Variants in NAXE observed in about 807,000 individuals in gnomAD.
NAXE encodes NAD(P)HX epimerase.
Under a neutral mutation model 31.2 loss-of-function variants are expected in NAXE, and 25 were observed. The observed-to-expected ratio is 0.80, with a 90% CI of 0.58 to 1.12. The LOEUF is 1.12. Among genes scored for constraint, NAXE ranks in the 50% most tolerant of loss-of-function variants. NAXE has a pLI of 0.00. For synonymous variants in NAXE, 144 were observed against 154.5 expected (o/e 0.93, Z 0.50); for missense variants, 362 against 376.1 (o/e 0.96, Z 0.31).
chr1:156,594,064 T>C lies in NAXE; in HGVS notation c.847T>C (p.Cys283Arg), dbSNP rs1021877463. 2 of 1,613,940 alleles carry C rather than the reference T, an allele frequency of 1.2e-6. No homozygotes were observed. Among genetic ancestry groups the C allele is most frequent in the Middle Eastern group, 1.7e-4 (1 of 6,058 alleles). Reference protein sequence around the residue: ...LNLPPYPDTECVYRLQ With the variant: ...LNLPPYPDTERVYRLQ ...CCTGCCACCCTACCCTGACACCGAGTGTGTCTATCGTCTGCAGTGAGGGAA... is the reference window on the plus strand; with the variant it reads ...CCTGCCACCCTACCCTGACACCGAGCGTGTCTATCGTCTGCAGTGAGGGAA... Residue 283 changes from cysteine (C) to arginine (R), a missense_variant, in exon 6 of 6, where the codon TGT becomes CGT. Physicochemically the swap from Cys to Arg is radical, Grantham distance 180. Transcript: ENST00000368235.
chr1:156,592,076 G>T (rs1557962243), intron 1 of NAXE, 25 bp from the exon 2 acceptor site: 2 of 1,614,130 alleles, frequency 1.2e-6, no homozygotes, highest in African/African-American at 2.7e-5. Context: ...CGAGGGGCGG[G>T]ACTCAGGCCG....
At chr1:156,592,013 T>C in intron 1 of NAXE, 27 bp downstream of exon 1, 1 of 1,613,400 alleles carries the variant, frequency 6.2e-7, no homozygotes, top group Non-Finnish European at 8.5e-7. Context: ...GGTGGCCTGC[T>C]CTGCCCCGGG....
chr1:156,593,634 A>T (rs1160353386), intron 5 of NAXE, 79 bp downstream of exon 5: 1 of 1,580,772 alleles, frequency 6.3e-7, no homozygotes, highest in African/African-American at 1.3e-5. Context: ...GTCTAAAATA[A>T]TTTTAGTCTA....
chr1:156,592,573 T>C lies in NAXE; in HGVS notation c.419T>C (p.Ile140Thr), dbSNP rs372470964. 1.9e-5 allele frequency: 31 copies of C among 1,614,016 alleles called. No homozygotes were observed. The African/African-American group carries it at 2.7e-4, about 14-fold the overall frequency. The change falls in exon 4 of 6, where the codon ATC becomes ACC. Residue 140 changes from isoleucine (I) to threonine (T), a missense_variant. Transcript: ENST00000368235. The stretch of plus-strand genomic sequence containing the variant: ...TCTTCCTAGGGCTACGAGCCAACCA[T>C]CTATTACCCCAAAAGGCCTAACAAG... ...HLKLFGYEPT[I>T]YYPKRPNKPL...
chr1:156,593,766 G>T (rs537344392), intron 5 of NAXE, 116 bp from the exon 6 acceptor site: 43 of 1,356,092 alleles, frequency 3.2e-5, no homozygotes, highest in Non-Finnish European at 3.9e-5. Context: ...CTCGTTGGAC[G>T]AGAGTTCCTC....
intron 5 of NAXE, 96 bp downstream of exon 5, chr1:156,593,651 C>A: frequency 6.6e-7 from 1 of 1,520,540 alleles, no homozygotes; most frequent in Non-Finnish European, 9.0e-7. Context: ...TCTAGAGGGG[C>A]AGAACACAGC....
At chr1:156,592,697 A>G (rs755504246) in intron 4 of NAXE, 27 bp downstream of exon 4, 3 of 1,557,412 alleles carry the variant, frequency 1.9e-6, no homozygotes, top group Non-Finnish European at 2.7e-6. Flanking sequence ...GAATACCTCC[A>G]TCCTACAGTA....
In NAXE at chr1:156,591,941, G is replaced by T. The variant is rs1344948413; in HGVS notation, c.137G>T (p.Arg46Leu). 1 of 1,612,854 alleles carries T rather than the reference G, an allele frequency of 6.2e-7. No individual in the cohort carries two copies. The change falls in exon 1 of 6, where the codon CGC (arginine) becomes CTC (leucine). Residue 46 changes from arginine to leucine, a missense_variant. Transcript: ENST00000368235. ...CCGCAGCGGCTGAACTCGGGTGGCC[G>T]CTGGGACTCAGAGGTCATGGCGAGC... ...WGPQRLNSGG[R>L]WDSEVMASTV...
chr1:156,592,711 A>G (rs550539316), intron 4 of NAXE, 41 bp downstream of exon 4: 1 of 1,526,752 alleles, frequency 6.5e-7, no homozygotes, highest in South Asian at 1.1e-5. Context: ...TACAGTAACC[A>G]CTGCCTGTGC....
intron 2 of NAXE, 37 bp from the exon 3 acceptor site, chr1:156,592,328 T>C (rs1255496184): frequency 1.2e-6 from 2 of 1,610,138 alleles, no homozygotes; most frequent in East Asian, 4.5e-5. Context: ...TATTACCGCC[T>C]GAAACCCCGC....
At chr1:156,593,301 A>G in intron 4 of NAXE, 107 bp from the exon 5 acceptor site, 2 of 1,427,172 alleles carry the variant, frequency 1.4e-6, no homozygotes, top group Non-Finnish European at 1.9e-6. Flanking sequence ...ATGAGACACA[A>G]TACTTGTGCC....
intron 5 of NAXE, 89 bp from the exon 6 acceptor site, chr1:156,593,793 G>C (rs897949171): frequency 6.9e-7 from 1 of 1,454,410 alleles, no homozygotes; most frequent in Non-Finnish European, 9.5e-7. Context: ...GAACTGAGGG[G>C]ACTTCCCACT....
Position 156,592,101 on chromosome 1 carries a change from C to A in NAXE, c.183C>A (p.Ser61Arg), listed in dbSNP as rs1288854268. 6.2e-7 allele frequency: 1 copy of A among 1,614,108 alleles called. No individual in the cohort carries two copies. The highest frequency in any genetic ancestry group is 8.5e-7 in the Non-Finnish European group (1 of 1,180,040). Residue 61 changes from serine (S) to arginine (R), a missense_variant and splice_region_variant, in exon 2 of 6, where the codon AGC (serine) becomes AGA (arginine). Physicochemically the swap from Ser to Arg is moderately radical, Grantham distance 110 (BLOSUM62 -1). Coordinates refer to ENST00000368235, the MANE Select transcript of NAXE (RefSeq NM_144772.3). Reference protein sequence around the residue: ...VMASTVVKYLSQEEAQAVDQE... With the variant: ...VMASTVVKYLRQEEAQAVDQE... ...GACTCAGGCCGCGGGTTTTCCTCAG[C>A]CAGGAGGAGGCCCAGGCCGTGGACC...
rs568066871 is a variant in NAXE, at chr1:156,593,787, T to C, written c.665-95T>C. 2.1e-5 allele frequency: 31 copies of C among 1,444,370 alleles called. No homozygotes were observed. The East Asian group carries it at 6.8e-4, about 32-fold the overall frequency. The allele number at this position is 1,444,370 out of a possible 1,614,324, so 89.5% of individuals were successfully genotyped here. On this transcript the variant is annotated intron_variant, in intron 5 of 5. Transcript: ENST00000368235. Reference sequence around the variant, plus strand: ...GGACGAGAGTTCCTCAGGTGGGAACTGAGGGGACTTCCCACTCCTCTGGGA... The same window carrying C: ...GGACGAGAGTTCCTCAGGTGGGAACCGAGGGGACTTCCCACTCCTCTGGGA...
At position 156,591,780 on chromosome 1, in the gene NAXE, C is replaced by CGGGCCGGGCG. The variant is rs1489225877; in HGVS notation, c.-22_-21insCCGGGCGGGG. 5.8e-5 allele frequency: 86 copies of CGGGCCGGGCG among 1,486,554 alleles called. No individual in the cohort carries two copies. The East Asian group carries it at 2.1e-3, about 37-fold the overall frequency. The allele number at this position is 1,486,554 out of a possible 1,614,324, so 92.1% of individuals were successfully genotyped here. A position where few individuals can be genotyped will look rare whatever the true frequency, so the allele number is the denominator to read the frequency against. On this transcript the variant is annotated 5_prime_UTR_variant, in exon 1 of 6. Transcript: ENST00000368235. ...CACATGCGCCGGGGCCGGGCCGGGC[C>CGGGCCGGGCG]GGGGGCGCGCGCTCTGCGAGCTGGA...
chr1:156,592,512 G>GT (rs773043383), intron 3 of NAXE, 37 bp downstream of exon 3: 25 of 1,613,158 alleles, frequency 1.5e-5, no homozygotes, highest in East Asian at 4.5e-5. Context: ...GGAGGAGGGC[G>GT]TGAGGGCTCT....
At position 156,592,133 on chromosome 1, in the gene NAXE, T is replaced by C; in HGVS notation, c.215T>C (p.Leu72Pro). The C allele has an allele frequency of 1.2e-6, 2 of 1,614,228 alleles. No homozygotes were observed. Among genetic ancestry groups the C allele is most frequent in the African/African-American group, 1.3e-5 (1 of 75,062 alleles). ...GAGGCCCAGGCCGTGGACCAGGAGC[T>C]ATTTAACGAATACCAGTTCAGCGTG... The part of the protein sequence containing the change: ...QEEAQAVDQE[L>P]FNEYQFSVDQ... The change falls in exon 2 of 6, where the codon CTA becomes CCA. Residue 72 changes from leucine (L) to proline (P), a missense_variant. Leu to Pro is a moderately conservative substitution (Grantham distance 98). Transcript: ENST00000368235.
In NAXE at chr1:156,593,977, C is replaced by T. The variant is rs368556517; in HGVS notation, c.760C>T (p.Arg254Cys). 29 of 1,614,054 alleles carry T rather than the reference C, an allele frequency of 1.8e-5. No homozygotes were observed. Among genetic ancestry groups the T allele is most frequent in the Middle Eastern group, 1.6e-4 (1 of 6,084 alleles). Residue 254 changes from arginine (R) to cysteine (C), a missense_variant, in exon 6 of 6, where the codon CGC becomes TGC. Coordinates refer to ENST00000368235, the MANE Select transcript of NAXE (RefSeq NM_144772.3). ...AAAATCTGCAACCCAGTTTACCGGTCGCTACCATTACCTGGGGGGTCGTTT... is the reference window on the plus strand; with the variant it reads ...AAAATCTGCAACCCAGTTTACCGGTTGCTACCATTACCTGGGGGGTCGTTT... ...PKKSATQFTG[R>C]YHYLGGRFVP...
chr1:156,594,100 T>C lies in NAXE; in HGVS notation c.*16T>C. ...TCTGCAGTGAGGGAAGGTGGGTGGG[T>C]ATTCTTCCCAATAAAGACTTAGAGC... On this transcript the variant is annotated 3_prime_UTR_variant, in exon 6 of 6. Coordinates refer to ENST00000368235, the MANE Select transcript of NAXE (RefSeq NM_144772.3). 6.2e-7 allele frequency: 1 copy of C among 1,612,458 alleles called. No homozygotes were observed. Among genetic ancestry groups the C allele is most frequent in the Non-Finnish European group, 8.5e-7 (1 of 1,178,862 alleles).
Sources: allele counts gnomAD v4.1 joint callset, GRCh38; gene constraint gnomAD v4.1.1; transcripts MANE v1.5; gene names NCBI Gene and HGNC (gene_info 2026-07-23, HGNC 2026-07-21).